Variants in GRM7 observed in about 807,000 individuals in gnomAD.
GRM7 encodes the protein metabotropic glutamate receptor 7.
A neutral mutation model predicts 84.5 loss-of-function variants in GRM7; 35 were observed. That is an observed-to-expected ratio of 0.41 (90% confidence interval 0.32 to 0.55). GRM7 has a LOEUF of 0.55. Ranked by LOEUF, GRM7 falls within the 20% of genes least tolerant of loss-of-function variation. GRM7 has a pLI of 0.19. For synonymous variants in GRM7, 487 were observed against 455.1 expected, an observed-to-expected ratio of 1.07 and a Z score of -0.89; for missense variants, 1,003 against 1,194.6, an observed-to-expected ratio of 0.84 and a Z score of 2.36.
intron 4 of GRM7, among the ~76,000 whole-genome samples, chr3:7,409,194 G>T (rs1695810387): frequency 6.6e-6 from 1 of 151,884 alleles, no homozygotes; most frequent in Admixed American, 6.6e-5. Flanking sequence ...AAACACTCAG[G>T]TATACTTGCT....
intron 2 of GRM7, among the ~76,000 whole-genome samples, chr3:7,291,319 A>G (rs1034960422): frequency 3.3e-5 from 5 of 152,012 alleles, no homozygotes; most frequent in African/African-American, 7.2e-5. Context: ...TGCTAACAGT[A>G]TTTATTCTGC....
chr3:7,131,578 A>C (rs1693600410), intron 1 of GRM7, among the ~76,000 whole-genome samples: 1 of 152,038 alleles, frequency 6.6e-6, no homozygotes, highest in African/African-American at 2.4e-5. Flanking sequence ...TCTCATGTTG[A>C]AGTGATTCTC....
At chr3:7,139,639 G>A (rs1394067353) in intron 1 of GRM7, among the ~76,000 whole-genome samples, 1 of 151,864 alleles carries the variant, frequency 6.6e-6, no homozygotes, top group Non-Finnish European at 1.5e-5. Context: ...CTCCAAACAG[G>A]ATTCTAGATC....
chr3:6,922,299 C>T (rs1046634273), intron 1 of GRM7, among the ~76,000 whole-genome samples: 1 of 152,184 alleles, frequency 6.6e-6, no homozygotes. Flanking sequence ...GCTTGAAATG[C>T]TCTTATTTTT....
At chr3:7,020,381 G>A (rs1695733392) in intron 1 of GRM7, among the ~76,000 whole-genome samples, 1 of 152,144 alleles carries the variant, frequency 6.6e-6, no homozygotes, top group African/African-American at 2.4e-5. Context: ...GCAGAACATG[G>A]GGGGATTTTT....
intron 8 of GRM7, among the ~76,000 whole-genome samples, chr3:7,643,180 G>C (rs982963167): frequency 6.6e-6 from 1 of 152,196 alleles, no homozygotes; most frequent in Admixed American, 6.5e-5. Flanking sequence ...CACTGTCAGA[G>C]ACAGAAGCCT....
intron 1 of GRM7, among the ~76,000 whole-genome samples, chr3:7,070,809 T>C (rs1697850419): frequency 6.6e-6 from 1 of 152,086 alleles, no homozygotes; most frequent in Non-Finnish European, 1.5e-5. Flanking sequence ...ACAGAACTAA[T>C]GCAAATTTTG....
intron 1 of GRM7, among the ~76,000 whole-genome samples, chr3:6,924,654 T>A (rs930797690): frequency 3.9e-5 from 6 of 152,142 alleles, no homozygotes; most frequent in Non-Finnish European, 8.8e-5. Context: ...TGCCAATGAG[T>A]AGCAACATGA....
chr3:7,263,278 G>A lies in GRM7; in HGVS notation c.737-35406G>A, dbSNP rs192138949. On this transcript the variant is annotated intron_variant, in intron 2 of 9. Transcript: ENST00000357716. ...TGGCTTTGTTTTTTGACTCCTCAAG[G>A]TTGGTATAACCTGCTGCGCTGGAGA... Among the ~76,000 whole-genome samples, 121 of 152,250 alleles carry A rather than the reference G, an allele frequency of 7.9e-4. 1 individual carries two copies. The highest frequency in any genetic ancestry group is 1.3e-3 in the Non-Finnish European group (90 of 68,024).
intron 1 of GRM7, among the ~76,000 whole-genome samples, chr3:6,944,078 G>A (rs1205750789): frequency 6.6e-6 from 1 of 151,408 alleles, no homozygotes; most frequent in Non-Finnish European, 1.5e-5. Flanking sequence ...AACTTTTTTT[G>A]TGAATTCCAC....
Position 6,994,026 on chromosome 3 carries a change from A to G in GRM7, c.519+132119A>G, listed in dbSNP as rs572435293. Among the ~76,000 whole-genome samples, 6 of 152,316 alleles carry G rather than the reference A, an allele frequency of 3.9e-5. No individual in the cohort carries two copies. In the East Asian group the frequency reaches 1.2e-3, roughly 29 times the overall value. ...GAGTTGCCAAAAATAGAAAACGATA[A>G]TTGATTTATTAGTGGAAATTTGGCA... is the stretch of plus-strand genomic sequence containing the variant. On this transcript the variant is annotated intron_variant, in intron 1 of 9. Coordinates refer to ENST00000357716, the MANE Select transcript of GRM7 (RefSeq NM_000844.4).
chr3:6,940,291 C>G (rs1697843051), intron 1 of GRM7, among the ~76,000 whole-genome samples: 1 of 152,092 alleles, frequency 6.6e-6, no homozygotes, highest in Non-Finnish European at 1.5e-5. Context: ...GGGGTTTCAC[C>G]ATGTTGGCCA....
intron 7 of GRM7, among the ~76,000 whole-genome samples, chr3:7,482,826 G>A (rs13097482): frequency 2.4e-4 from 37 of 152,222 alleles, no homozygotes; most frequent in Non-Finnish European, 4.9e-4. Flanking sequence ...GACTAAGGAT[G>A]TGCTTCTTCT....
At chr3:7,099,786 G>A (rs1311510725) in intron 1 of GRM7, among the ~76,000 whole-genome samples, 1 of 72,042 alleles carries the variant, frequency 1.4e-5, no homozygotes, top group Non-Finnish European at 2.2e-5. Flanking sequence ...TTATACATGT[G>A]CACATACATG....
chr3:7,532,191 A>G (rs1575461081), intron 7 of GRM7, among the ~76,000 whole-genome samples: 1 of 152,150 alleles, frequency 6.6e-6, no homozygotes, highest in Non-Finnish European at 1.5e-5. Flanking sequence ...TTCAGAAGGA[A>G]TGGTACCAGC....
chr3:7,072,408 G>A (rs2124985378), intron 1 of GRM7, among the ~76,000 whole-genome samples: 1 of 152,132 alleles, frequency 6.6e-6, no homozygotes, highest in East Asian at 1.9e-4. Flanking sequence ...TTGGCCAGGT[G>A]TTGTGGCTCA....
chr3:7,460,535 A>C (rs1050615414), intron 6 of GRM7, among the ~76,000 whole-genome samples: 9 of 152,086 alleles, frequency 5.9e-5, no homozygotes, highest in African/African-American at 2.2e-4. Flanking sequence ...GAGTTTGTAA[A>C]TGGCATGAAA....
At chr3:7,574,874 G>A (rs1299570141) in intron 7 of GRM7, among the ~76,000 whole-genome samples, 1 of 152,156 alleles carries the variant, frequency 6.6e-6, no homozygotes, top group African/African-American at 2.4e-5. Flanking sequence ...TGGGTGTGCT[G>A]TACACCCCGG....
In GRM7 at chr3:6,918,566, T is replaced by C. The variant is rs190939948; in HGVS notation, c.519+56659T>C. On this transcript the variant is annotated intron_variant, in intron 1 of 9. Transcript: ENST00000357716. ...CCCTTCCATTAAGTGTCAATTTTAA[T>C]ATTATCTTCTATGTTTATTCATTCA... Among the ~76,000 whole-genome samples, 66 of 152,304 alleles carry C rather than the reference T, an allele frequency of 4.3e-4. 1 individual carries two copies. The East Asian group carries it at 0.01, about 23-fold the overall frequency.
Sources: gnomAD v4.1 joint callset for allele counts (sites outside exome capture counted in the v4.1 genomes callset) on GRCh38, gnomAD v4.1.1 for gene constraint, MANE v1.5 for transcripts, NCBI Gene and HGNC (gene_info 2026-07-23, HGNC 2026-07-21) for gene names.